Variants in TMPRSS11F observed in about 807,000 individuals in gnomAD.
TMPRSS11F encodes transmembrane serine protease 11F.
In TMPRSS11F, 47 loss-of-function variants were observed where a neutral mutation model predicts 60.2. The ratio of observed to expected loss-of-function variants is 0.78; its 90% CI spans 0.62 to 1.00. The LOEUF is 1.00. Ranked by LOEUF, TMPRSS11F falls within the 50% of genes least tolerant of loss-of-function variation. The pLI, the probability that TMPRSS11F is intolerant of heterozygous loss-of-function variation, is 0.00. For missense variants in TMPRSS11F, 519 were observed against 522.9 expected, an observed-to-expected ratio of 0.99 and a Z score of 0.07; for synonymous variants, 166 against 167.3, an observed-to-expected ratio of 0.99 and a Z score of 0.06.
Position 68,098,752 on chromosome 4 carries a change from T to C in TMPRSS11F, c.163+135A>G, listed in dbSNP as rs560199850. On this transcript the variant is annotated intron_variant, in intron 2 of 9. Transcript: ENST00000356291. ...CACAGAGCTCAATACAGAAGCAAAC[T>C]ATAATTTAACATCAGTAAAAGACTG... The C allele has an allele frequency of 9.6e-4, 792 of 827,190 alleles. 9 individuals carry two copies. In the South Asian group the frequency reaches 0.013, roughly 14 times the overall value. The allele number at this position is 827,190 out of a possible 1,614,324, so 51.2% of individuals were successfully genotyped here.
At chr4:68,083,593 C>G (rs1723749003) in intron 3 of TMPRSS11F, among the ~76,000 whole-genome samples, 1 of 151,958 alleles carries the variant, frequency 6.6e-6, no homozygotes, top group South Asian at 2.1e-4. Flanking sequence ...TCTGAAAGCA[C>G]CAAGAAATGA....
At chr4:68,112,807 T>A (rs1724433213) in intron 1 of TMPRSS11F, among the ~76,000 whole-genome samples, 1 of 152,138 alleles carries the variant, frequency 6.6e-6, no homozygotes, top group African/African-American at 2.4e-5. Flanking sequence ...AATATTCTTT[T>A]ATGCTAATAA....
intron 9 of TMPRSS11F, among the ~76,000 whole-genome samples, chr4:68,056,793 T>C (rs1396218246): frequency 6.6e-6 from 1 of 152,170 alleles, no homozygotes; most frequent in African/African-American, 2.4e-5. Flanking sequence ...AAATGTCTTA[T>C]AAAGCAATTG....
At chr4:68,075,766 G>A (rs191805284) in intron 3 of TMPRSS11F, among the ~76,000 whole-genome samples, 9 of 152,190 alleles carry the variant, frequency 5.9e-5, no homozygotes, top group Admixed American at 3.9e-4. Flanking sequence ...AGGCCAAGGC[G>A]GGTGGATCAT....
chr4:68,095,185 T>A (rs756812462), intron 2 of TMPRSS11F, among the ~76,000 whole-genome samples: 16 of 151,412 alleles, frequency 1.1e-4, no homozygotes, highest in Non-Finnish European at 2.1e-4. Flanking sequence ...ATTATATGTA[T>A]AACACATAAT....
At chr4:68,118,268 C>A (rs1724564204) in intron 1 of TMPRSS11F, among the ~76,000 whole-genome samples, 2 of 151,986 alleles carry the variant, frequency 1.3e-5, no homozygotes, top group South Asian at 4.1e-4. Flanking sequence ...TTGAAAACAC[C>A]CAAATGAATA....
chr4:68,088,273 AC>A (rs1723856575), intron 3 of TMPRSS11F, among the ~76,000 whole-genome samples: 1 of 151,800 alleles, frequency 6.6e-6, no homozygotes, highest in Admixed American at 6.6e-5. Flanking sequence ...CTTTAAACCA[AC>A]AAAGATCAAA....
intron 7 of TMPRSS11F, among the ~76,000 whole-genome samples, chr4:68,066,080 T>C (rs1172884931): frequency 7.3e-6 from 1 of 136,692 alleles, no homozygotes; most frequent in Non-Finnish European, 1.5e-5. Flanking sequence ...GATCACACCA[T>C]TGAACTCCAG....
chr4:68,113,183 G>A (rs1405570075), intron 1 of TMPRSS11F, among the ~76,000 whole-genome samples: 1 of 152,056 alleles, frequency 6.6e-6, no homozygotes, highest in East Asian at 1.9e-4. Flanking sequence ...CACCATAAAG[G>A]GTGATTCTGG....
chr4:68,123,325 A>G (rs1724657118), intron 1 of TMPRSS11F, among the ~76,000 whole-genome samples: 1 of 152,218 alleles, frequency 6.6e-6, no homozygotes. Context: ...CCCAAAAAGA[A>G]TAAATCATGA....
At chr4:68,082,391 T>A (rs1288686393) in intron 3 of TMPRSS11F, among the ~76,000 whole-genome samples, 1 of 152,038 alleles carries the variant, frequency 6.6e-6, no homozygotes, top group Non-Finnish European at 1.5e-5. Context: ...CAGGAACCCA[T>A]CCTCCAAGGC....
intron 1 of TMPRSS11F, among the ~76,000 whole-genome samples, chr4:68,110,047 T>C (rs1001217029): frequency 7.2e-5 from 11 of 152,212 alleles, no homozygotes; most frequent in African/African-American, 2.4e-4. Context: ...GTCTTACATA[T>C]GTCTTAACAT....
chr4:68,120,376 CTTTTTT>C (rs34843345), intron 1 of TMPRSS11F, among the ~76,000 whole-genome samples: 1 of 123,792 alleles, frequency 8.1e-6, no homozygotes, highest in African/African-American at 3.2e-5. Flanking sequence ...ACAGAGAAAT[CTTTTTT>C]TTTTTTTTTT....
chr4:68,120,423 C>G (rs1398163147), intron 1 of TMPRSS11F, among the ~76,000 whole-genome samples: 3 of 138,156 alleles, frequency 2.2e-5, no homozygotes, highest in Non-Finnish European at 4.5e-5. Context: ...GAGTCTCGCT[C>G]TGTCGCCCAG....
rs539981135 is a variant in TMPRSS11F at position 68,060,419 on chromosome 4, G to A, written c.1016-951C>T. On this transcript the variant is annotated intron_variant, in intron 8 of 9. Coordinates refer to ENST00000356291, the MANE Select transcript of TMPRSS11F (RefSeq NM_207407.2). ...TAGTCTCAGCTACTCAGGAGGCTGA[G>A]GCAGGAGAACGGCGTGAACCTGGGA... is the stretch of plus-strand genomic sequence containing the variant. Among the ~76,000 whole-genome samples the A allele has an allele frequency of 3.5e-3, 503 of 144,486 alleles. 5 individuals are homozygous for A. Among genetic ancestry groups the A allele is most frequent in the African/African-American group, 0.012 (486 of 39,416 alleles). 94.8% of individuals were successfully genotyped at this position (144,486 alleles called of 152,430 possible). A position where few individuals can be genotyped will look rare whatever the true frequency, so the allele number is the denominator to read the frequency against.
At chr4:68,090,756 G>C in intron 2 of TMPRSS11F, 115 bp from the exon 3 acceptor site, 2 of 1,447,038 alleles carry the variant, frequency 1.4e-6, no homozygotes, top group Non-Finnish European at 1.8e-6. Context: ...TTTCTACTTA[G>C]TGTAAAAATT....
At chr4:68,120,163 G>T (rs1480521114) in intron 1 of TMPRSS11F, among the ~76,000 whole-genome samples, 1 of 152,044 alleles carries the variant, frequency 6.6e-6, no homozygotes, top group East Asian at 1.9e-4. Context: ...GCTTCTTATG[G>T]ATCAAAAAAG....
chr4:68,076,548 T>C (rs1205514712), intron 3 of TMPRSS11F, among the ~76,000 whole-genome samples: 1 of 152,204 alleles, frequency 6.6e-6, no homozygotes, highest in African/African-American at 2.4e-5. Flanking sequence ...TTGTACCCTT[T>C]TAGACTAGTT....
At chr4:68,079,143 G>T (rs1723644146) in intron 3 of TMPRSS11F, among the ~76,000 whole-genome samples, 1 of 151,136 alleles carries the variant, frequency 6.6e-6, no homozygotes, top group South Asian at 2.1e-4. Flanking sequence ...GCAGGCATTG[G>T]ACTGATTCTT....
Sources: gnomAD v4.1 joint callset for allele counts (sites outside exome capture counted in the v4.1 genomes callset) on GRCh38, gnomAD v4.1.1 for gene constraint, MANE v1.5 for transcripts, NCBI Gene and HGNC (gene_info 2026-07-23, HGNC 2026-07-21) for gene names.